LTBP1: variants seen among roughly 807,000 people sequenced by gnomAD.
LTBP1 encodes latent transforming growth factor beta binding protein 1.
LTBP1 carries 129 observed loss-of-function variants against 207.6 expected under a neutral mutation model. That is an observed-to-expected ratio of 0.62 (90% CI 0.54 to 0.72). The LOEUF (loss-of-function observed/expected upper bound fraction) is 0.72. Among genes scored for constraint, LTBP1 ranks in the 30% least tolerant of loss-of-function variants. The probability of loss-of-function intolerance (pLI) is 0.00; values close to 1 mark genes in which losing one functional copy is unlikely to be tolerated. For synonymous variants in LTBP1, 963 were observed against 833.7 expected, an observed-to-expected ratio of 1.16 and a Z score of -2.67; for missense variants, 2,281 against 2,217.2, an observed-to-expected ratio of 1.03 and a Z score of -0.58.
At chr2:33,229,475 A>T (rs577655858) in intron 9 of LTBP1, among the ~76,000 whole-genome samples, 3 of 152,286 alleles carry the variant, frequency 2.0e-5, no homozygotes, top group Admixed American at 2.0e-4. Context: ...CCCTGTCTCT[A>T]AAAAGAAAGA....
intron 3 of LTBP1, among the ~76,000 whole-genome samples, chr2:33,026,666 A>C (rs1035880007): frequency 1.3e-5 from 2 of 152,218 alleles, no homozygotes; most frequent in African/African-American, 2.4e-5. Context: ...GTTGAACAAA[A>C]GGAACTCACT....
chr2:33,098,764 T>G (rs218213), intron 3 of LTBP1, among the ~76,000 whole-genome samples: 105,852 of 151,994 alleles, frequency 0.7, 38,099 homozygotes, highest in East Asian at 0.99. Context: ...CTTTATAAAG[T>G]CAATATATTT....
intron 5 of LTBP1, among the ~76,000 whole-genome samples, chr2:33,168,208 A>G (rs992687172): frequency 2.0e-5 from 3 of 151,922 alleles, no homozygotes; most frequent in Non-Finnish European, 4.4e-5. Context: ...AGTGTGACAC[A>G]TCTCTACAAA....
chr2:33,342,837 G>A lies in LTBP1; in HGVS notation c.3731-1G>A, dbSNP rs766532590. 7.4e-6 allele frequency: 12 copies of A among 1,612,044 alleles called. No homozygotes were observed. The South Asian group carries it at 1.3e-4, about 18-fold the overall frequency. Reference sequence around the variant, plus strand: ...TCTGATGTTCCATGTCTTTTTTGCAGATATTGATGAATGTGTAAACAACAC... The same window carrying A: ...TCTGATGTTCCATGTCTTTTTTGCAAATATTGATGAATGTGTAAACAACAC... On this transcript the variant is annotated splice_acceptor_variant, in intron 24 of 33. Coordinates refer to ENST00000404816, the MANE Select transcript of LTBP1 (RefSeq NM_206943.4). LOFTEE classifies it high-confidence loss of function.
At chr2:33,373,820 A>G (rs1444594597) in intron 31 of LTBP1, among the ~76,000 whole-genome samples, 1 of 152,220 alleles carries the variant, frequency 6.6e-6, no homozygotes, top group Non-Finnish European at 1.5e-5. Context: ...AATGAAATGC[A>G]TAATTAGTAT....
chr2:33,101,038 A>G (rs750372455), intron 3 of LTBP1, among the ~76,000 whole-genome samples: 1 of 152,182 alleles, frequency 6.6e-6, no homozygotes, highest in African/African-American at 2.4e-5. Flanking sequence ...CCCTGCTTTC[A>G]GTGCTTAGGA....
At chr2:33,217,395 C>T (rs539569586) in intron 7 of LTBP1, among the ~76,000 whole-genome samples, 157 bp from the exon 8 acceptor site, 1 of 152,228 alleles carries the variant, frequency 6.6e-6, no homozygotes, top group African/African-American at 2.4e-5. Flanking sequence ...GATTTCTGTC[C>T]AGGTATTTTC....
At chr2:33,307,346 A>G (rs969059746) in intron 22 of LTBP1, among the ~76,000 whole-genome samples, 1 of 152,250 alleles carries the variant, frequency 6.6e-6, no homozygotes, top group African/African-American at 2.4e-5. Context: ...AAATATTTAT[A>G]GAAACCTTAT....
chr2:33,174,475 A>G (rs1330576515), intron 5 of LTBP1, among the ~76,000 whole-genome samples: 2 of 152,046 alleles, frequency 1.3e-5, no homozygotes, highest in Non-Finnish European at 1.5e-5. Flanking sequence ...CTTCAAGGAG[A>G]ACTACAAACC....
chr2:33,292,565 T>C (rs977659225), intron 19 of LTBP1, among the ~76,000 whole-genome samples: 9 of 152,206 alleles, frequency 5.9e-5, no homozygotes, highest in African/African-American at 2.2e-4. Flanking sequence ...AAAGATTAGG[T>C]GCTATTATTA....
chr2:32,954,279 C>T (rs76201247), intron 2 of LTBP1, among the ~76,000 whole-genome samples: 2,085 of 152,282 alleles, frequency 0.014, 46 homozygotes, highest in African/African-American at 0.047. Context: ...TGAGTTTTCT[C>T]GGGCTTCTGT....
At chr2:33,137,989 C>T (rs1309868087) in intron 5 of LTBP1, among the ~76,000 whole-genome samples, 1 of 152,136 alleles carries the variant, frequency 6.6e-6, no homozygotes, top group Non-Finnish European at 1.5e-5. Flanking sequence ...ACTGAGAGTC[C>T]AGCATACCGG....
At chr2:33,052,832 G>A (rs950616096) in intron 3 of LTBP1, among the ~76,000 whole-genome samples, 4 of 151,360 alleles carry the variant, frequency 2.6e-5, no homozygotes, top group African/African-American at 9.7e-5. Flanking sequence ...GTCATTGTAA[G>A]CTCTTTCAGG....
At chr2:32,959,744 C>A (rs1678792536) in intron 2 of LTBP1, among the ~76,000 whole-genome samples, 1 of 150,346 alleles carries the variant, frequency 6.7e-6, no homozygotes, top group African/African-American at 2.5e-5. Flanking sequence ...CCTCAGCCAC[C>A]CGAGTAGCTG....
chr2:33,182,124 G>A (rs534757879), intron 5 of LTBP1, among the ~76,000 whole-genome samples: 128 of 152,072 alleles, frequency 8.4e-4, no homozygotes, highest in African/African-American at 3.0e-3. Context: ...GACTTTTATT[G>A]GTTGAAATAA....
intron 3 of LTBP1, among the ~76,000 whole-genome samples, chr2:33,085,131 G>A (rs1351227247): frequency 6.6e-6 from 1 of 152,192 alleles, no homozygotes; most frequent in African/African-American, 2.4e-5. Context: ...GCCACAAGCC[G>A]AGAAATGGCT....
At chr2:33,349,834 C>G (rs1413800534) in intron 26 of LTBP1, among the ~76,000 whole-genome samples, 3 of 152,208 alleles carry the variant, frequency 2.0e-5, no homozygotes, top group Non-Finnish European at 2.9e-5. Context: ...AATCAATACA[C>G]TGACACAGAA....
At chr2:33,235,410 G>A (rs938450422) in intron 9 of LTBP1, among the ~76,000 whole-genome samples, 4 of 152,254 alleles carry the variant, frequency 2.6e-5, no homozygotes, top group Non-Finnish European at 5.9e-5. Flanking sequence ...ACAGATGCTG[G>A]TGGAGAGGAT....
chr2:33,098,261 A>T (rs1393912109), intron 3 of LTBP1, among the ~76,000 whole-genome samples: 3 of 152,176 alleles, frequency 2.0e-5, no homozygotes, highest in Non-Finnish European at 4.4e-5. Context: ...TTGCTTATTC[A>T]TGTCCTTTGT....
Sources: allele counts gnomAD v4.1 joint callset (sites outside exome capture counted in the v4.1 genomes callset), GRCh38; gene constraint gnomAD v4.1.1; transcripts MANE v1.5; gene names NCBI Gene and HGNC (gene_info 2026-07-23, HGNC 2026-07-21).